ENAH: variants seen among roughly 807,000 people sequenced by gnomAD.
ENAH encodes the protein ENAH actin regulator, also known as protein enabled homolog.
A neutral mutation model predicts 78.7 loss-of-function variants in ENAH; 23 were observed. The observed-to-expected ratio is 0.29, with a 90% CI of 0.21 to 0.41. The LOEUF (loss-of-function observed/expected upper bound fraction) is 0.41. Among genes scored for constraint, ENAH ranks in the 10% least tolerant of loss-of-function variants. The pLI is 1.00. For missense variants in ENAH, 544 were observed against 691.0 expected (o/e 0.79, Z 2.39); for synonymous variants, 226 against 241.0 (o/e 0.94, Z 0.58).
In ENAH at chr1:225,581,254, T is replaced by C. The variant is rs1175635146; in HGVS notation, c.6-13840A>G. 3.1e-6 allele frequency: 3 copies of C among 982,812 alleles called. No homozygotes were observed. The Admixed American group carries it at 1.8e-4, about 60-fold the overall frequency. 60.9% of individuals were successfully genotyped at this position (982,812 alleles called of 1,614,324 possible). A position where few individuals can be genotyped will look rare whatever the true frequency, so the allele number is the denominator to read the frequency against. Reference sequence around the variant, plus strand: ...GTAACTGAATAGATTATTTCACCTGTTTCCTGTAGTTCTTCTTTTCCTCAC... The same window carrying C: ...GTAACTGAATAGATTATTTCACCTGCTTCCTGTAGTTCTTCTTTTCCTCAC... On this transcript the variant is annotated intron_variant, in intron 1 of 13. Transcript: ENST00000366843.
chr1:225,527,616 A>G (rs1446121519), intron 4 of ENAH, among the ~76,000 whole-genome samples: 1 of 152,240 alleles, frequency 6.6e-6, no homozygotes, highest in African/African-American at 2.4e-5. Context: ...AAGAAAAATG[A>G]CAAATATCTC....
At chr1:225,632,943 G>GAACAT (rs1339024835) in intron 1 of ENAH, among the ~76,000 whole-genome samples, 1 of 152,154 alleles carries the variant, frequency 6.6e-6, no homozygotes, top group Admixed American at 6.5e-5. Flanking sequence ...CATTAATGAA[G>GAACAT]ACATGTTCCC....
At chr1:225,561,170 C>T (rs1201395063) in intron 2 of ENAH, among the ~76,000 whole-genome samples, 1 of 152,020 alleles carries the variant, frequency 6.6e-6, no homozygotes, top group African/African-American at 2.4e-5. Context: ...GGAAGTCAGG[C>T]TGCAGCGAGC....
intron 1 of ENAH, among the ~76,000 whole-genome samples, chr1:225,624,985 T>G (rs1657679514): frequency 6.6e-6 from 1 of 152,324 alleles, no homozygotes; most frequent in Non-Finnish European, 1.5e-5. Context: ...ATGTGACAGA[T>G]AGAGCTCATG....
chr1:225,567,469 G>A (rs2096740530), intron 1 of ENAH, 55 bp from the exon 2 acceptor site: 2 of 1,531,270 alleles, frequency 1.3e-6, no homozygotes, highest in African/African-American at 2.8e-5. Context: ...TATGCTAAGT[G>A]TTCCACATAG....
intron 1 of ENAH, among the ~76,000 whole-genome samples, chr1:225,615,038 G>GTCTCCCTCTCCC (rs72200596): frequency 3.3e-5 from 5 of 149,864 alleles, no homozygotes; most frequent in African/African-American, 9.9e-5. Context: ...CCTCTCCCCG[G>GTCTCCCTCTCCC]TCTCCCTCTC....
At chr1:225,621,246 C>T (rs1173136516) in intron 1 of ENAH, among the ~76,000 whole-genome samples, 1 of 152,038 alleles carries the variant, frequency 6.6e-6, no homozygotes, top group Non-Finnish European at 1.5e-5. Flanking sequence ...ATACTTATCA[C>T]CCTTCTGACT....
intron 11 of ENAH, among the ~76,000 whole-genome samples, chr1:225,507,524 T>C (rs1051421386): frequency 2.6e-5 from 4 of 152,156 alleles, no homozygotes; most frequent in Non-Finnish European, 4.4e-5. Context: ...GAAACAGTTC[T>C]TATTTGTGAA....
chr1:225,504,926 G>T, intron 11 of ENAH: 2 of 1,242,116 alleles, frequency 1.6e-6, no homozygotes, highest in Non-Finnish European at 2.3e-6. Context: ...GGTAGAAAAA[G>T]CTCAGCCCTA....
intron 1 of ENAH, among the ~76,000 whole-genome samples, chr1:225,603,497 A>AAC (rs2096940444): frequency 6.6e-6 from 1 of 152,176 alleles, no homozygotes; most frequent in African/African-American, 2.4e-5. Context: ...CTGCAAATAT[A>AAC]ACCGTGCTTT....
intron 1 of ENAH, among the ~76,000 whole-genome samples, chr1:225,619,885 T>G (rs1656487273): frequency 6.6e-6 from 1 of 151,982 alleles, no homozygotes; most frequent in African/African-American, 2.4e-5. Context: ...TTTTAAAAAT[T>G]CACTAAGCTA....
chr1:225,622,847 G>A (rs1657241839), intron 1 of ENAH, among the ~76,000 whole-genome samples: 2 of 152,252 alleles, frequency 1.3e-5, no homozygotes, highest in Middle Eastern at 3.4e-3. Context: ...TAAGAGCTAG[G>A]GGATAGGGGA....
chr1:225,515,544 T>G (rs1408606586), intron 6 of ENAH: 4 of 152,148 alleles, frequency 2.6e-5, no homozygotes, highest in African/African-American at 9.7e-5. Context: ...ACCATAGGAT[T>G]TGAAGTAGAG....
At chr1:225,522,438 G>A (rs2096476706) in intron 4 of ENAH, among the ~76,000 whole-genome samples, 1 of 152,134 alleles carries the variant, frequency 6.6e-6, no homozygotes, top group African/African-American at 2.4e-5. Flanking sequence ...ATTTATTTAT[G>A]AGTAGTTGTT....
rs560091366 is a variant in ENAH at position 225,548,543 on chromosome 1, T to C, written c.349+6363A>G. 3.9e-5 allele frequency among the ~76,000 whole-genome samples: 6 copies of C among 152,354 alleles called. No individual in the cohort carries two copies. In the East Asian group the frequency reaches 5.8e-4, roughly 15 times the overall value. On this transcript the variant is annotated intron_variant, in intron 3 of 13. Transcript: ENST00000366843. ...CGTTTTTAAAAATGCTTTGAAGATC[T>C]TGAACTGAAGGCCAGACAAACGCAG... is the stretch of plus-strand genomic sequence containing the variant.
chr1:225,582,944 G>T (rs1447957508), intron 1 of ENAH, among the ~76,000 whole-genome samples: 1 of 152,114 alleles, frequency 6.6e-6, no homozygotes, highest in Non-Finnish European at 1.5e-5. Flanking sequence ...ACTTGAAATG[G>T]CTAGAGAAAA....
chr1:225,515,705 G>A (rs764417020), intron 6 of ENAH, among the ~76,000 whole-genome samples: 6 of 152,160 alleles, frequency 3.9e-5, no homozygotes, highest in Non-Finnish European at 8.8e-5. Context: ...TTTTCAGAAC[G>A]AATAAAATGC....
intron 1 of ENAH, among the ~76,000 whole-genome samples, chr1:225,568,959 G>A (rs1032953850): frequency 1.3e-5 from 2 of 152,148 alleles, no homozygotes; most frequent in African/African-American, 4.8e-5. Flanking sequence ...TTTTTATGCT[G>A]CACTGACATT....
chr1:225,586,778 C>G lies in ENAH; in HGVS notation c.6-19364G>C, dbSNP rs563975144. Among the ~76,000 whole-genome samples, 19 of 152,304 alleles carry G rather than the reference C, an allele frequency of 1.2e-4. No individual in the cohort carries two copies. In the East Asian group the frequency reaches 3.7e-3, roughly 29 times the overall value. On this transcript the variant is annotated intron_variant, in intron 1 of 13. Transcript: ENST00000366843. ...TGGTGGCTCACCCGTTATCCCAGCA[C>G]TGTGAGAAGCCAAGGCAGGCGAACC...
Sources: gnomAD v4.1 joint callset for allele counts (sites outside exome capture counted in the v4.1 genomes callset) on GRCh38, gnomAD v4.1.1 for gene constraint, MANE v1.5 for transcripts, NCBI Gene and HGNC (gene_info 2026-07-23, HGNC 2026-07-21) for gene names.